The following CGN variants were observed in gnomAD, a reference collection of about 807,000 sequenced individuals.
The protein encoded by CGN is cingulin.
Under a neutral mutation model 157.1 loss-of-function variants are expected in CGN, and 121 were observed. That is an observed-to-expected ratio of 0.77 (90% CI 0.66 to 0.90). The LOEUF (loss-of-function observed/expected upper bound fraction) is 0.90. Among genes scored for constraint, CGN ranks in the 40% least tolerant of loss-of-function variants. The probability of loss-of-function intolerance (pLI) is 0.00; values close to 1 mark genes in which losing one functional copy is unlikely to be tolerated. For synonymous variants in CGN, 535 were observed against 607.5 expected, an observed-to-expected ratio of 0.88 and a Z score of 1.76; for missense variants, 1,424 against 1,520.9, an observed-to-expected ratio of 0.94 and a Z score of 1.06.
chr1:151,529,638 G>T (rs1664784111), intron 11 of CGN, 79 bp downstream of exon 11: 1 of 1,316,632 alleles, frequency 7.6e-7, no homozygotes, highest in Non-Finnish European at 1.1e-6. Context: ...GGTGTGGAAA[G>T]TTACCTGTCA....
At chr1:151,527,666 C>A (rs535794894) in intron 10 of CGN, among the ~76,000 whole-genome samples, 1 of 152,032 alleles carries the variant, frequency 6.6e-6, no homozygotes, top group Non-Finnish European at 1.5e-5. Context: ...TATTATATAA[C>A]CCTTTAGCCT....
In CGN at chr1:151,524,802, C is replaced by T. The variant is rs775048745; in HGVS notation, c.1530C>T (p.Ser510=). The T allele has an allele frequency of 1.2e-6, 2 of 1,612,746 alleles. No individual in the cohort carries two copies. Among genetic ancestry groups the T allele is most frequent in the Non-Finnish European group, 8.5e-7 (1 of 1,179,974 alleles). The change falls in exon 8 of 21, where the codon TCC becomes TCT. Residue 510 remains serine, a synonymous_variant. Transcript: ENST00000271636. This position sits in a 1 kb window ranked among gnomAD's most constrained non-coding sequence, Gnocchi z 4.4. ...GGGCCCTGAAAGAGGAGGTAGCCTC[C>T]CGTGACCAGGAGGTGGAACATGTCC... is the stretch of plus-strand genomic sequence containing the variant. ...LKGALKEEVA[S]RDQEVEHVRQ...
intron 11 of CGN, 30 bp downstream of exon 11, chr1:151,529,589 G>A (rs574272636): frequency 1.9e-6 from 3 of 1,591,432 alleles, no homozygotes; most frequent in Non-Finnish European, 1.7e-6. Context: ...GGCTTAGGAG[G>A]TGGAGGCTGA....
intron 3 of CGN, 67 bp downstream of exon 3, chr1:151,520,333 A>T: frequency 1.3e-6 from 2 of 1,568,386 alleles, no homozygotes; most frequent in Non-Finnish European, 1.8e-6. Context: ...TTTGTTTCCC[A>T]TCTTCCCTGA....
At chr1:151,521,914 C>T (rs1453736155) in intron 5 of CGN, among the ~76,000 whole-genome samples, 1 of 152,166 alleles carries the variant, frequency 6.6e-6, no homozygotes, top group Non-Finnish European at 1.5e-5. Flanking sequence ...GGCTCTGAGC[C>T]TGTTATAAGG....
At chr1:151,536,376 C>T (rs1239479626) in intron 19 of CGN, 31 bp downstream of exon 19, 11 of 1,230,478 alleles carry the variant, frequency 8.9e-6, no homozygotes, top group African/African-American at 1.5e-5. Flanking sequence ...AGCCAAGCAA[C>T]CTGGGGCAGG....
chr1:151,535,762 G>A lies in CGN; in HGVS notation c.3079-18G>A, dbSNP rs768762405. ...GGCCAGTGGAGTGCTAACTGTGGAG[G>A]CTTCCTGTCCCTCTCAGAACAAGGA... On this transcript the variant is annotated intron_variant, in intron 17 of 20. Coordinates refer to ENST00000271636, the MANE Select transcript of CGN (RefSeq NM_020770.3). 10 of 1,611,766 alleles carry A rather than the reference G, an allele frequency of 6.2e-6. No homozygotes were observed. The highest frequency in any genetic ancestry group is 8.5e-6 in the Non-Finnish European group (10 of 1,177,894).
At position 151,518,506 on chromosome 1, in the gene CGN, G is replaced by T. The variant is rs541629611; in HGVS notation, c.-14G>T. ...CTAAACTCATTTCTTCATCTTCTAGGACTCCTCCTATTTATGGAGCAGGCA... is the reference window on the plus strand; with the variant it reads ...CTAAACTCATTTCTTCATCTTCTAGTACTCCTCCTATTTATGGAGCAGGCA... On this transcript the variant is annotated splice_region_variant and 5_prime_UTR_variant, in exon 2 of 21. Coordinates refer to ENST00000271636, the MANE Select transcript of CGN (RefSeq NM_020770.3). 5.0e-6 allele frequency: 8 copies of T among 1,591,464 alleles called. No homozygotes were observed. The South Asian group carries it at 7.8e-5, about 16-fold the overall frequency.
In CGN at chr1:151,525,742, A is replaced by G; in HGVS notation, c.1715A>G (p.Gln572Arg). The G allele has an allele frequency of 6.2e-7, 1 of 1,611,126 alleles. No homozygotes were observed. The highest frequency in any genetic ancestry group is 8.5e-7 in the Non-Finnish European group (1 of 1,178,474). ...ACTTCAGAGGAGACAGGGCATTGGC[A>G]GAGTATGTTCCAGAAGAACAAGGAG... Reference protein sequence around the residue: ...EETSEETGHWQSMFQKNKEDL... With the variant: ...EETSEETGHWRSMFQKNKEDL... The change falls in exon 9 of 21, where the codon CAG becomes CGG. Residue 572 changes from glutamine to arginine, a missense_variant. Coordinates refer to ENST00000271636, the MANE Select transcript of CGN (RefSeq NM_020770.3).
At chr1:151,512,921 G>A (rs889421470) in intron 1 of CGN, among the ~76,000 whole-genome samples, 3 of 152,232 alleles carry the variant, frequency 2.0e-5, no homozygotes, top group African/African-American at 7.2e-5. Context: ...TGATGGGGGT[G>A]TAGGGCTCTT....
At chr1:151,533,232 C>T (rs2185838) in intron 14 of CGN, among the ~76,000 whole-genome samples, 49,169 of 152,110 alleles carry the variant, frequency 0.32, 8,888 homozygotes, top group East Asian at 0.63. Context: ...AATCCCAGCA[C>T]GTTGGGAGGC....
rs768688972 is a variant in CGN, at chr1:151,518,741, CGGT to C, written c.224_226del (p.Gly75del). 4 of 1,614,104 alleles carry C rather than the reference CGGT, an allele frequency of 2.5e-6. No homozygotes were observed. Among genetic ancestry groups the C allele is most frequent in the Non-Finnish European group, 3.4e-6 (4 of 1,179,998 alleles). ...TGGTGCTCAACAGTGGGGAGAAAGG[CGGT>C]GACTCCTTTGGGGTCCAAATCAAGG... On this transcript the variant is annotated inframe_deletion, in exon 2 of 21. Transcript: ENST00000271636.
At chr1:151,511,307 G>C (rs746737305), upstream of CGN, 2 of 153,064 alleles carry the variant, frequency 1.3e-5, no homozygotes, top group African/African-American at 4.8e-5. This position sits in a 1 kb window ranked among gnomAD's most constrained non-coding sequence, Gnocchi z 4.8. Flanking sequence ...CCGGAGCGGG[G>C]AAAGGCGGGG....
chr1:151,529,979 G>C lies in CGN; in HGVS notation c.2177G>C (p.Arg726Pro), dbSNP rs139586578. Residue 726 changes from arginine to proline, a missense_variant, in exon 12 of 21, where the codon CGG (arginine) becomes CCG (proline). By Grantham distance (103) the Arg-to-Pro change is moderately radical. Around this residue, in one of 3 missense-constraint regions of CGN, gnomAD observed 1,187 missense variants for 1,217.6 expected, o/e 0.97. Coordinates refer to ENST00000271636, the MANE Select transcript of CGN (RefSeq NM_020770.3). The part of the protein sequence containing the change: ...QRRAAVETTL[R>P]ETQEENDEFR... ...CGGGCCGCAGTGGAGACGACGCTTC[G>C]GGAGACCCAGGAGGAAAATGACGAA... is the stretch of plus-strand genomic sequence containing the variant. 6.2e-7 allele frequency: 1 copy of C among 1,614,106 alleles called. No individual in the cohort carries two copies.
chr1:151,529,709 G>A lies in CGN; in HGVS notation c.2106+150G>A. On this transcript the variant is annotated intron_variant, in intron 11 of 20. Coordinates refer to ENST00000271636, the MANE Select transcript of CGN (RefSeq NM_020770.3). ...TGTGGTTCAAAGAAGCCAGGATTTG[G>A]CAGGGGGAGGATACCTGTATCTGTG... The A allele has an allele frequency of 2.0e-5, 17 of 858,364 alleles. No homozygotes were observed. The South Asian group carries it at 3.0e-4, about 15-fold the overall frequency. The allele number at this position is 858,364 out of a possible 1,614,324, so 53.2% of individuals were successfully genotyped here.
rs766359219 is a variant in CGN at position 151,529,329 on chromosome 1, AC to A, written c.1897-19del. ...TTAGTCTGGCTCTGGGTGCCCCATC[AC>A]CATTCCCGTTTCCTTCCAGGAGCTG... is the stretch of plus-strand genomic sequence containing the variant. On this transcript the variant is annotated intron_variant, in intron 10 of 20. Transcript: ENST00000271636. The A allele has an allele frequency of 5.6e-6, 9 of 1,607,290 alleles. No homozygotes were observed. The East Asian group carries it at 2.0e-4, about 36-fold the overall frequency.
Position 151,537,525 on chromosome 1 carries a change from T to C in CGN, c.*179T>C. ...AAATCATCAGCAATAAGCTGATAGA[T>C]GGACTTTCCACTGTAGGAGTGGACA... On this transcript the variant is annotated 3_prime_UTR_variant, in exon 21 of 21. Transcript: ENST00000271636. The C allele has an allele frequency of 1.9e-6, 1 of 518,116 alleles. No homozygotes were observed. The highest frequency in any genetic ancestry group is 3.0e-5 in the East Asian group (1 of 32,800). The allele number at this position is 518,116 out of a possible 1,614,324, so 32.1% of individuals were successfully genotyped here.
rs1011389274 is a variant in CGN, at chr1:151,524,147, A to C, written c.1269-79A>C. ...TGAAGGAAGGAAGTTTAAATGCATT[A>C]ATAAATATGAATTAAAATATATGAT... On this transcript the variant is annotated intron_variant, in intron 6 of 20. Transcript: ENST00000271636. This position sits in a 1 kb window ranked among gnomAD's most constrained non-coding sequence, Gnocchi z 4.4. 9.1e-6 allele frequency: 12 copies of C among 1,314,932 alleles called. No individual in the cohort carries two copies. In the African/African-American group the frequency reaches 1.8e-4, roughly 20 times the overall value. 81.5% of individuals were successfully genotyped at this position (1,314,932 alleles called of 1,614,324 possible). A position where few individuals can be genotyped will look rare whatever the true frequency, so the allele number is the denominator to read the frequency against.
chr1:151,526,891 G>A, intron 9 of CGN, 84 bp from the exon 10 acceptor site: 1 of 1,540,152 alleles, frequency 6.5e-7, no homozygotes, highest in Admixed American at 1.7e-5. Context: ...CCAGAGAGGT[G>A]GCTTTTATTG....
Sources: gnomAD v4.1 joint callset for allele counts (sites outside exome capture counted in the v4.1 genomes callset) on GRCh38, gnomAD v4.1.1 for gene constraint, gnomAD v4.1.1 regional missense constraint, Gnocchi (gnomAD v3.1) non-coding constraint, MANE v1.5 for transcripts, NCBI Gene and HGNC (gene_info 2026-07-23, HGNC 2026-07-21) for gene names.